The following DNAJC1 variants were observed in gnomAD, a reference collection of about 807,000 sequenced individuals.
DNAJC1 encodes DnaJ heat shock protein family (Hsp40) member C1, also known as dnaJ homolog subfamily C member 1.
DNAJC1 carries 58 observed loss-of-function variants against 76.6 expected under a neutral mutation model. The ratio of observed to expected loss-of-function variants is 0.76; its 90% CI spans 0.61 to 0.94. DNAJC1 has a LOEUF of 0.94. Among genes scored for constraint, DNAJC1 ranks in the 40% least tolerant of loss-of-function variants. DNAJC1 has a pLI of 0.00. For missense variants in DNAJC1, 689 were observed against 677.3 expected (o/e 1.02, Z -0.19); for synonymous variants, 258 against 267.9 (o/e 0.96, Z 0.36).
chr10:21,818,712 G>T (rs1215186701), intron 8 of DNAJC1, among the ~76,000 whole-genome samples: 1 of 152,040 alleles, frequency 6.6e-6, no homozygotes, highest in Non-Finnish European at 1.5e-5. Context: ...TGACTATCAG[G>T]GGCAGGTTCC....
intron 8 of DNAJC1, among the ~76,000 whole-genome samples, chr10:21,840,788 A>G (rs149371019): frequency 0.059 from 8,949 of 152,250 alleles, 534 homozygotes; most frequent in African/African-American, 0.15. Flanking sequence ...AAGAGCCTGC[A>G]TCGCCAAGTC....
intron 1 of DNAJC1, among the ~76,000 whole-genome samples, chr10:21,930,195 C>T (rs761565308): frequency 6.6e-5 from 10 of 152,182 alleles, no homozygotes; most frequent in Admixed American, 5.2e-4. Flanking sequence ...AGGCTGGTCT[C>T]GAACTCCTGA....
At chr10:21,842,475 G>T (rs539267414) in intron 8 of DNAJC1, among the ~76,000 whole-genome samples, 2 of 152,300 alleles carry the variant, frequency 1.3e-5, no homozygotes, top group East Asian at 3.9e-4. Flanking sequence ...TGAGTCTATG[G>T]TATTGTCAGA....
chr10:21,955,766 T>C (rs1275503094), intron 1 of DNAJC1, among the ~76,000 whole-genome samples: 3 of 152,178 alleles, frequency 2.0e-5, no homozygotes, highest in Non-Finnish European at 4.4e-5. Context: ...CTTTTTGACA[T>C]TAGCATCTCC....
chr10:21,923,063 C>G (rs1048165266), intron 3 of DNAJC1, among the ~76,000 whole-genome samples: 3 of 151,884 alleles, frequency 2.0e-5, no homozygotes, highest in African/African-American at 7.2e-5. Flanking sequence ...CTACTATTTT[C>G]TACCCTACGT....
chr10:21,803,461 T>C (rs1448764157), intron 9 of DNAJC1, among the ~76,000 whole-genome samples: 1 of 152,142 alleles, frequency 6.6e-6, no homozygotes, highest in Non-Finnish European at 1.5e-5. Flanking sequence ...TGTGGTTAAC[T>C]TTCACTTAAC....
At chr10:21,899,589 C>T (rs1409223714) in intron 7 of DNAJC1, among the ~76,000 whole-genome samples, 1 of 152,224 alleles carries the variant, frequency 6.6e-6, no homozygotes, top group Non-Finnish European at 1.5e-5. Flanking sequence ...ACTTGCAAGA[C>T]TGCTTCTTTA....
At position 21,996,514 on chromosome 10, in the gene DNAJC1, T is replaced by G. The variant is rs560004778; in HGVS notation, c.222+6699A>C. Among the ~76,000 whole-genome samples the G allele has an allele frequency of 3.8e-3, 574 of 152,328 alleles. 1 individual carries two copies. The highest frequency in any genetic ancestry group is 7.0e-3 in the South Asian group (34 of 4,832). On this transcript the variant is annotated intron_variant, in intron 1 of 11. Transcript: ENST00000376980. ...TAACCACATTAAACCAATCACTAGG[T>G]AAACTGGTAACCCATATAACGTTTT... is the stretch of plus-strand genomic sequence containing the variant.
intron 8 of DNAJC1, among the ~76,000 whole-genome samples, chr10:21,837,490 C>T (rs1403280731): frequency 4.6e-5 from 7 of 151,318 alleles, no homozygotes; most frequent in South Asian, 4.2e-4. Context: ...GGCCGCCCAT[C>T]GTCTGAGATG....
At chr10:21,963,769 A>T (rs1426949434) in intron 1 of DNAJC1, among the ~76,000 whole-genome samples, 1 of 152,066 alleles carries the variant, frequency 6.6e-6, no homozygotes, top group Non-Finnish European at 1.5e-5. Context: ...AGATAATTTT[A>T]TTCATTTCCA....
chr10:21,863,047 G>A (rs377036935), intron 8 of DNAJC1, among the ~76,000 whole-genome samples: 3 of 151,998 alleles, frequency 2.0e-5, no homozygotes, highest in African/African-American at 7.3e-5. Context: ...CAGGAGAATC[G>A]CTTGAACCCG....
At chr10:21,802,792 CT>C (rs1834827597) in intron 9 of DNAJC1, among the ~76,000 whole-genome samples, 3 of 152,220 alleles carry the variant, frequency 2.0e-5, no homozygotes, top group East Asian at 3.9e-4. Flanking sequence ...CTGGGGCCCC[CT>C]GACCTTAATT....
chr10:21,768,642 A>G (rs943655385), intron 9 of DNAJC1, among the ~76,000 whole-genome samples: 1 of 152,180 alleles, frequency 6.6e-6, no homozygotes, highest in Non-Finnish European at 1.5e-5. Flanking sequence ...AGCTGCTTGG[A>G]AACACTTTTC....
intron 1 of DNAJC1, among the ~76,000 whole-genome samples, chr10:21,955,075 C>T (rs1307046895): frequency 6.6e-6 from 1 of 152,184 alleles, no homozygotes; most frequent in African/African-American, 2.4e-5. Flanking sequence ...TTACCCACTC[C>T]CAGCCCCCCA....
intron 8 of DNAJC1, among the ~76,000 whole-genome samples, chr10:21,815,262 T>C (rs1835056238): frequency 1.3e-5 from 2 of 152,210 alleles, no homozygotes; most frequent in Admixed American, 1.3e-4. Flanking sequence ...AACTGATCCA[T>C]GACACCATCC....
At chr10:22,003,078 T>G (rs1034434233) in intron 1 of DNAJC1, 135 bp downstream of exon 1, 1 of 1,313,234 alleles carries the variant, frequency 7.6e-7, no homozygotes, top group Non-Finnish European at 9.7e-7. Flanking sequence ...AGGACCCCGG[T>G]GACCCGAGCT....
intron 6 of DNAJC1, among the ~76,000 whole-genome samples, chr10:21,916,074 A>G (rs1836949496): frequency 6.6e-6 from 1 of 152,222 alleles, no homozygotes; most frequent in Non-Finnish European, 1.5e-5. Flanking sequence ...ATATATCTAC[A>G]AAGATTATAC....
chr10:21,924,046 C>T (rs1249558203), intron 3 of DNAJC1, among the ~76,000 whole-genome samples: 1 of 151,760 alleles, frequency 6.6e-6, no homozygotes, highest in Non-Finnish European at 1.5e-5. Context: ...ACATAATTTC[C>T]ACTTAGGTCA....
Position 21,919,932 on chromosome 10 carries a change from T to G in DNAJC1, c.538-3A>C, listed in dbSNP as rs769315057. ...TTTTTTCTACTTAGTAGTTCATCCT[T>G]AATGTGGAAAGAATTATGGTTACAG... On this transcript the variant is annotated splice_region_variant and splice_polypyrimidine_tract_variant and intron_variant, in intron 4 of 11. Transcript: ENST00000376980. The G allele has an allele frequency of 6.4e-7, 1 of 1,570,218 alleles. No individual in the cohort carries two copies. The highest frequency in any genetic ancestry group is 8.7e-7 in the Non-Finnish European group (1 of 1,152,192).
Sources: allele counts gnomAD v4.1 joint callset (sites outside exome capture counted in the v4.1 genomes callset), GRCh38; gene constraint gnomAD v4.1.1; transcripts MANE v1.5; gene names NCBI Gene and HGNC (gene_info 2026-07-23, HGNC 2026-07-21).